Variants in GOLM2 observed in about 807,000 individuals in gnomAD.
The protein encoded by GOLM2 is golgi membrane protein 2.
A neutral mutation model predicts 55.9 loss-of-function variants in GOLM2; 26 were observed. That is an observed-to-expected ratio of 0.47 (90% CI 0.34 to 0.65). The LOEUF (loss-of-function observed/expected upper bound fraction) is 0.65, where lower values mean the gene tolerates loss of function less well. Among genes scored for constraint, GOLM2 ranks in the 30% least tolerant of loss-of-function variants. GOLM2 has a pLI of 0.01. For missense variants in GOLM2, 486 were observed against 531.8 expected (o/e 0.91, Z 0.85); for synonymous variants, 165 against 194.6 (o/e 0.85, Z 1.27).
At position 44,328,358 on chromosome 15, in the gene GOLM2, G is replaced by A. The variant is rs555391354; in HGVS notation, c.383-327G>A. Among the ~76,000 whole-genome samples, 7 of 152,270 alleles carry A rather than the reference G, an allele frequency of 4.6e-5. No homozygotes were observed. The South Asian group carries it at 1.2e-3, about 27-fold the overall frequency. ...CCGGATGTGGTGTTGCACACCTGTA[G>A]TCTCAGCTGTCTGGGAGGTTGAGGT... On this transcript the variant is annotated intron_variant, in intron 2 of 9. Transcript: ENST00000299957.
intron 6 of GOLM2, among the ~76,000 whole-genome samples, chr15:44,341,496 T>C (rs2079090308): frequency 6.6e-6 from 1 of 152,066 alleles, no homozygotes; most frequent in African/African-American, 2.4e-5. Flanking sequence ...AATTCCAGTG[T>C]TTAGGGTAAA....
chr15:44,344,306 TATA>T (rs1595637607), intron 6 of GOLM2, among the ~76,000 whole-genome samples: 4 of 150,352 alleles, frequency 2.7e-5, no homozygotes. Flanking sequence ...TATATATATA[TATA>T]TACCTCTGAA....
chr15:44,294,778 G>A (rs772829018), intron 1 of GOLM2, among the ~76,000 whole-genome samples: 18 of 150,154 alleles, frequency 1.2e-4, no homozygotes, highest in Admixed American at 2.0e-4. Context: ...GGTGGGGGGC[G>A]CCTGTAATCC....
chr15:44,329,229 A>C (rs771976294), intron 3 of GOLM2, among the ~76,000 whole-genome samples: 3 of 152,124 alleles, frequency 2.0e-5, no homozygotes, highest in Non-Finnish European at 4.4e-5. Context: ...ATACCTCTAC[A>C]CTTGGTGATG....
chr15:44,398,848 A>T (rs1485588580), intron 8 of GOLM2, among the ~76,000 whole-genome samples: 2 of 151,672 alleles, frequency 1.3e-5, no homozygotes, highest in East Asian at 3.9e-4. Context: ...TTGTATTTTT[A>T]ATAAAGATGG....
intron 1 of GOLM2, among the ~76,000 whole-genome samples, chr15:44,304,306 A>G (rs1005499871): frequency 1.6e-5 from 2 of 122,384 alleles, no homozygotes; most frequent in African/African-American, 6.5e-5. Context: ...CAATGGCATG[A>G]TCTCGGCTCA....
chr15:44,343,847 T>C lies in GOLM2; in HGVS notation c.802+5530T>C, dbSNP rs924408623. On this transcript the variant is annotated intron_variant, in intron 6 of 9. Coordinates refer to ENST00000299957, the MANE Select transcript of GOLM2 (RefSeq NM_138423.4). Reference sequence around the variant, plus strand: ...TCAAAAAAAAAAAAAAAGAAAAAAATATATATCCTTGTAATTTAAAAATGG... The same window carrying C: ...TCAAAAAAAAAAAAAAAGAAAAAAACATATATCCTTGTAATTTAAAAATGG... Among the ~76,000 whole-genome samples the C allele has an allele frequency of 2.0e-5, 3 of 146,940 alleles. No individual in the cohort carries two copies. In the East Asian group the frequency reaches 6.1e-4, roughly 30 times the overall value.
At position 44,289,147 on chromosome 15, in the gene GOLM2, G is replaced by A. The variant is rs764884084; in HGVS notation, c.118G>A (p.Val40Ile). Residue 40 changes from valine to isoleucine, a missense_variant, in exon 1 of 10, where the codon GTC becomes ATC. Val to Ile is a conservative substitution (Grantham distance 29, BLOSUM62 3). Coordinates refer to ENST00000299957, the MANE Select transcript of GOLM2 (RefSeq NM_138423.4). This position sits in a 1 kb window ranked among gnomAD's most constrained non-coding sequence, Gnocchi z 4.8. ...CTACTGGAGCATCTCCTCCCGCCAC[G>A]TCCTGCTTCAGGAGGAGGTGGCCGA... ...FNYWSISSRH[V>I]LLQEEVAELQ... is the part of the protein sequence containing the mutation. The A allele has an allele frequency of 1.3e-5, 21 of 1,614,076 alleles. No individual in the cohort carries two copies. Among genetic ancestry groups the A allele is most frequent in the Middle Eastern group, 3.3e-4 (2 of 6,084 alleles).
intron 6 of GOLM2, among the ~76,000 whole-genome samples, chr15:44,357,830 A>G (rs2079207850): frequency 6.6e-6 from 1 of 152,216 alleles, no homozygotes; most frequent in South Asian, 2.1e-4. Context: ...TTATTTAGGT[A>G]TAAATTTAAT....
At chr15:44,341,918 G>T (rs2079093137) in intron 6 of GOLM2, among the ~76,000 whole-genome samples, 1 of 151,788 alleles carries the variant, frequency 6.6e-6, no homozygotes, top group African/African-American at 2.4e-5. Context: ...GGCTGATCCT[G>T]AACTCCTGAC....
At chr15:44,294,018 TA>T (rs1352948390) in intron 1 of GOLM2, among the ~76,000 whole-genome samples, 1 of 152,040 alleles carries the variant, frequency 6.6e-6, no homozygotes, top group East Asian at 1.9e-4. Context: ...AATATTAGTT[TA>T]TTTTTTTGTT....
intron 6 of GOLM2, among the ~76,000 whole-genome samples, chr15:44,374,810 G>GC (rs1306745703): frequency 2.6e-5 from 4 of 152,086 alleles, no homozygotes; most frequent in African/African-American, 9.7e-5. Flanking sequence ...CTCTCACCAG[G>GC]CCCCACCTCC....
chr15:44,324,017 A>C (rs1488383870), intron 2 of GOLM2, among the ~76,000 whole-genome samples: 1 of 152,158 alleles, frequency 6.6e-6, no homozygotes, highest in Non-Finnish European at 1.5e-5. Context: ...TTTTTGTTGC[A>C]TCTGTGTCCA....
intron 6 of GOLM2, among the ~76,000 whole-genome samples, chr15:44,378,907 G>A (rs1043404017): frequency 2.0e-5 from 3 of 151,594 alleles, no homozygotes; most frequent in South Asian, 4.2e-4. Context: ...CACCACGCCC[G>A]GCTAATTTTT....
intron 8 of GOLM2, among the ~76,000 whole-genome samples, chr15:44,382,558 C>T (rs1346638413): frequency 6.6e-6 from 1 of 152,076 alleles, no homozygotes; most frequent in African/African-American, 2.4e-5. Flanking sequence ...ATCTTCTGAC[C>T]TCAGGTGATC....
chr15:44,332,309 C>T (rs2079027584), intron 4 of GOLM2, among the ~76,000 whole-genome samples: 1 of 152,138 alleles, frequency 6.6e-6, no homozygotes. Context: ...GTAATCCCAG[C>T]ACTTTGGGAG....
At chr15:44,369,067 T>TTATATAGA (rs2079307062) in intron 6 of GOLM2, among the ~76,000 whole-genome samples, 1 of 22,960 alleles carries the variant, frequency 4.4e-5, no homozygotes, top group Admixed American at 6.7e-4. Context: ...ATAGGATATA[T>TTATATAGA]TATATATATA....
chr15:44,336,968 A>G (rs1266528959), intron 4 of GOLM2, among the ~76,000 whole-genome samples: 3 of 152,192 alleles, frequency 2.0e-5, no homozygotes, highest in Admixed American at 1.3e-4. Flanking sequence ...TCTAGATTCC[A>G]TATAGATTTT....
chr15:44,295,471 A>G (rs901605890), intron 1 of GOLM2, among the ~76,000 whole-genome samples: 1 of 152,202 alleles, frequency 6.6e-6, no homozygotes, highest in African/African-American at 2.4e-5. Context: ...GATTCCCTCA[A>G]ACTTTCTGAT....
Sources: allele counts gnomAD v4.1 joint callset (sites outside exome capture counted in the v4.1 genomes callset), GRCh38; gene constraint gnomAD v4.1.1; non-coding constraint Gnocchi (gnomAD v3.1); transcripts MANE v1.5; gene names NCBI Gene and HGNC (gene_info 2026-07-23, HGNC 2026-07-21).